COL4A4: variants seen among roughly 807,000 people sequenced by gnomAD.
COL4A4 encodes the protein collagen alpha-4(IV) chain.
A neutral mutation model predicts 192.9 loss-of-function variants in COL4A4; 105 were observed. The observed-to-expected ratio is 0.54, with a 90% confidence interval of 0.46 to 0.64. The LOEUF (loss-of-function observed/expected upper bound fraction) is 0.64. COL4A4 is among the 30% of genes least tolerant of loss of function. COL4A4 has a pLI of 0.00. For synonymous variants in COL4A4, 762 were observed against 769.9 expected, an observed-to-expected ratio of 0.99 and a Z score of 0.17; for missense variants, 1,967 against 2,169.3, an observed-to-expected ratio of 0.91 and a Z score of 1.85.
intron 1 of COL4A4, among the ~76,000 whole-genome samples, chr2:227,157,076 T>C (rs908283239): frequency 6.6e-6 from 1 of 152,164 alleles, no homozygotes; most frequent in Non-Finnish European, 1.5e-5. Context: ...ATAGATCATA[T>C]GCTGGATCAT....
chr2:227,121,193 A>G, intron 4 of COL4A4, 45 bp from the exon 5 acceptor site: 1 of 1,603,316 alleles, frequency 6.2e-7, no homozygotes, highest in Non-Finnish European at 8.5e-7. Flanking sequence ...ATTCTTAATT[A>G]CTGTCTTCTA....
intron 37 of COL4A4, among the ~76,000 whole-genome samples, chr2:227,036,603 G>A (rs1159687483): frequency 3.9e-5 from 6 of 152,242 alleles, no homozygotes; most frequent in South Asian, 2.1e-4. Context: ...AATATTTTTT[G>A]TATCAGCAAA....
intron 20 of COL4A4, among the ~76,000 whole-genome samples, chr2:227,091,638 A>G (rs957163252): frequency 7.2e-5 from 11 of 152,212 alleles, no homozygotes; most frequent in African/African-American, 2.6e-4. Context: ...TCACATCTAC[A>G]ATCCCAGCAC....
At position 227,144,531 on chromosome 2, in the gene COL4A4, T is replaced by A. The variant is rs886038231; in HGVS notation, c.99A>T (p.Val33=). 1.9e-6 allele frequency: 3 copies of A among 1,610,572 alleles called. No homozygotes were observed. In the Admixed American group the frequency reaches 5.0e-5, roughly 27 times the overall value. ...ATGTACTTACCCCATATACATATTG[T>A]ACAGAAAAGAGAATGAGTATAAGTG... ...PWSLILILFS[V]QYVYGSGKKY... Residue 33 remains valine (V), a synonymous_variant, in exon 3 of 48, where the codon GTA becomes GTT. Transcript: ENST00000396625.
intron 7 of COL4A4, among the ~76,000 whole-genome samples, chr2:227,115,277 T>G (rs2061430972): frequency 6.8e-6 from 1 of 147,958 alleles, no homozygotes; most frequent in Non-Finnish European, 1.5e-5. Context: ...TTCTTTTTTT[T>G]TTTTTTTTTT....
chr2:226,970,526 C>G, the COL4A4 span, among the ~76,000 whole-genome samples: 79 of 152,244 alleles, frequency 5.2e-4, no homozygotes, highest in African/African-American at 1.8e-3. Context: ...CCAGAGGGCA[C>G]GGAAGCAGCC....
intron 4 of COL4A4, among the ~76,000 whole-genome samples, chr2:227,138,399 C>T (rs1429376453): frequency 6.6e-6 from 1 of 151,870 alleles, no homozygotes; most frequent in East Asian, 1.9e-4. Context: ...TTTGGGAGGC[C>T]GAGGCTGGCG....
At chr2:227,112,806 A>C (rs2396459) in intron 8 of COL4A4, among the ~76,000 whole-genome samples, 66,000 of 152,092 alleles carry the variant, frequency 0.43, 16,079 homozygotes, top group Non-Finnish European at 0.56. Flanking sequence ...TATATAAGTG[A>C]AATCATATGA....
At chr2:226,992,726 C>T in the COL4A4 span, among the ~76,000 whole-genome samples, 2 of 152,290 alleles carry the variant, frequency 1.3e-5, no homozygotes, top group East Asian at 3.9e-4. Flanking sequence ...AGAAAAGGGA[C>T]ACTGGGTTTG....
rs17353916 is a variant in COL4A4 at position 227,147,498 on chromosome 2, A to T, written c.-15T>A. 6.2e-7 allele frequency: 1 copy of T among 1,611,516 alleles called. No homozygotes were observed. Among genetic ancestry groups the T allele is most frequent in the African/African-American group, 1.3e-5 (1 of 74,746 alleles). ...AGAGACCACATCGCAGGCAAGTCTTAGTACTTAAAAAATATTCTGCCAGTC... is the reference window on the plus strand; with the variant it reads ...AGAGACCACATCGCAGGCAAGTCTTTGTACTTAAAAAATATTCTGCCAGTC... On this transcript the variant is annotated 5_prime_UTR_variant, in exon 2 of 48. Transcript: ENST00000396625.
In COL4A4 at chr2:227,059,821, A is replaced by G. The variant is rs527668539; in HGVS notation, c.2165-198T>C. 1.1e-4 allele frequency among the ~76,000 whole-genome samples: 17 copies of G among 152,270 alleles called. No homozygotes were observed. The South Asian group carries it at 3.1e-3, about 28-fold the overall frequency. On this transcript the variant is annotated intron_variant, in intron 27 of 47. Transcript: ENST00000396625. ...GCAACTTTGTGTTTCCTATAAGCCA[A>G]TGATGTTTCCCTAATTGCTTTCCTT...
chr2:227,089,589 A>ATATATATATATATG (rs1553671146), intron 21 of COL4A4, among the ~76,000 whole-genome samples: 1 of 67,202 alleles, frequency 1.5e-5, no homozygotes, highest in Non-Finnish European at 3.2e-5. Context: ...CAAATGTTCC[A>ATATATATATATATG]TATATATATA....
intron 41 of COL4A4, among the ~76,000 whole-genome samples, chr2:227,029,993 G>A (rs1266056803): frequency 6.6e-6 from 1 of 152,150 alleles, no homozygotes; most frequent in African/African-American, 2.4e-5. Context: ...GCAGGAAGAA[G>A]GAGTGGCTTA....
At chr2:227,035,066 C>A (rs1029048537) in intron 37 of COL4A4, among the ~76,000 whole-genome samples, 6 of 151,844 alleles carry the variant, frequency 4.0e-5, no homozygotes, top group Admixed American at 3.3e-4. Flanking sequence ...TGATATAGGA[C>A]CCCCTTGATT....
the COL4A4 span, among the ~76,000 whole-genome samples, chr2:226,968,575 G>T: frequency 6.6e-6 from 1 of 152,140 alleles, no homozygotes; most frequent in African/African-American, 2.4e-5. Context: ...GTGTTTAATT[G>T]AATAACCTGA....
intron 42 of COL4A4, among the ~76,000 whole-genome samples, chr2:227,026,904 T>A (rs1966942674): frequency 6.6e-6 from 1 of 152,134 alleles, no homozygotes; most frequent in South Asian, 2.1e-4. Flanking sequence ...TAACAAATAA[T>A]AATCAAATCA....
At position 227,022,170 on chromosome 2, in the gene COL4A4, T is replaced by C. The variant is rs1162000074; in HGVS notation, c.4094A>G (p.Glu1365Gly). Reference sequence around the variant, plus strand: ...ATCCACATCTGCAGGTGGCCCCGGTTCACCTGAAATTGGAATCACCGCTTG... The same window carrying C: ...ATCCACATCTGCAGGTGGCCCCGGTCCACCTGAAATTGGAATCACCGCTTG... ...GPTGLPGPRG[E>G]PGPPADVDDC... The change falls in exon 44 of 48, where the codon GAA becomes GGA. Residue 1365 changes from glutamate (E) to glycine (G), a missense_variant. By Grantham distance (98) the Glu-to-Gly change is moderately conservative. Coordinates refer to ENST00000396625, the MANE Select transcript of COL4A4 (RefSeq NM_000092.5). 3.1e-6 allele frequency: 5 copies of C among 1,614,010 alleles called. No individual in the cohort carries two copies. In the South Asian group the frequency reaches 5.5e-5, roughly 18 times the overall value.
At chr2:227,027,491 G>T (rs182855698) in intron 42 of COL4A4, among the ~76,000 whole-genome samples, 21 of 140,912 alleles carry the variant, frequency 1.5e-4, no homozygotes, top group South Asian at 9.2e-4. Flanking sequence ...GTGGGAGGAG[G>T]GGGGAGGGGG....
chr2:227,056,142 G>A, intron 29 of COL4A4, 27 bp from the exon 30 acceptor site: 1 of 1,611,036 alleles, frequency 6.2e-7, no homozygotes, highest in East Asian at 2.2e-5. Context: ...TGACCACAGT[G>A]TGTGAAGGCT....
Sources: allele counts gnomAD v4.1 joint callset (sites outside exome capture counted in the v4.1 genomes callset), GRCh38; gene constraint gnomAD v4.1.1; transcripts MANE v1.5; gene names NCBI Gene and HGNC (gene_info 2026-07-23, HGNC 2026-07-21).